Variants in PDE4D observed in about 807,000 individuals in gnomAD.
PDE4D encodes the protein phosphodiesterase 4D.
PDE4D carries 24 observed loss-of-function variants against 87.4 expected under a neutral mutation model. That is an observed-to-expected ratio of 0.27 (90% CI 0.20 to 0.39). PDE4D has a LOEUF of 0.39. PDE4D is among the 10% of genes least tolerant of loss of function. The probability of loss-of-function intolerance (pLI) is 1.00; values close to 1 mark genes in which losing one functional copy is unlikely to be tolerated. For synonymous variants in PDE4D, 384 were observed against 383.2 expected (o/e 1.00, Z -0.02); for missense variants, 714 against 1,041.0 (o/e 0.69, Z 4.32).
In PDE4D at chr5:59,321,358, A is replaced by G. The variant is rs147644405; in HGVS notation, c.456-105390T>C. Reference sequence around the variant, plus strand: ...ACTGCCCTGCCTAGACAAGATTTTTATGCTTAGGGTTGGAATCAAGTTTTT... The same window carrying G: ...ACTGCCCTGCCTAGACAAGATTTTTGTGCTTAGGGTTGGAATCAAGTTTTT... On this transcript the variant is annotated intron_variant, in intron 1 of 14. Transcript: ENST00000340635. 2.4e-4 allele frequency among the ~76,000 whole-genome samples: 36 copies of G among 152,184 alleles called. No homozygotes were observed. The East Asian group carries it at 7.0e-3, about 29-fold the overall frequency.
At chr5:59,671,215 A>G (rs1747143425) in intron 1 of PDE4D, among the ~76,000 whole-genome samples, 1 of 152,206 alleles carries the variant, frequency 6.6e-6, no homozygotes, top group Non-Finnish European at 1.5e-5. Context: ...AACTAACAGC[A>G]TAGCCTTGAT....
chr5:59,452,507 C>T (rs1484095973), intron 1 of PDE4D, among the ~76,000 whole-genome samples: 1 of 152,130 alleles, frequency 6.6e-6, no homozygotes, highest in Non-Finnish European at 1.5e-5. Flanking sequence ...CTGATGTATG[C>T]AAGGATTAGG....
At chr5:59,039,351 A>G in intron 5 of PDE4D, 1 of 1,031,366 alleles carries the variant, frequency 9.7e-7, no homozygotes, top group South Asian at 3.3e-5. Flanking sequence ...GGGGGTGGCG[A>G]GCGCGCTTGG....
chr5:59,622,344 G>T lies in PDE4D; in HGVS notation c.455+270824C>A, dbSNP rs570108679. ...ATTTAAAAGGTCTTAATTCTAATTTGCTGTGAAAAGTCATGCCAGAGTTAT... is the reference window on the plus strand; with the variant it reads ...ATTTAAAAGGTCTTAATTCTAATTTTCTGTGAAAAGTCATGCCAGAGTTAT... On this transcript the variant is annotated intron_variant, in intron 1 of 14. Transcript: ENST00000340635. 4.6e-5 allele frequency among the ~76,000 whole-genome samples: 7 copies of T among 152,236 alleles called. 1 individual carries two copies. In the South Asian group the frequency reaches 1.5e-3, roughly 32 times the overall value.
intron 1 of PDE4D, among the ~76,000 whole-genome samples, chr5:60,335,738 G>A (rs61245506): frequency 0.018 from 2,756 of 152,218 alleles, 96 homozygotes; most frequent in African/African-American, 0.063. Context: ...GTCTTTTAAT[G>A]TGGGGCACGA....
intron 1 of PDE4D, among the ~76,000 whole-genome samples, chr5:59,317,354 C>T (rs908589052): frequency 1.3e-5 from 2 of 152,080 alleles, no homozygotes. Flanking sequence ...GGGAGGGAGG[C>T]CAGTTAACAA....
chr5:59,307,351 T>C (rs1233878520), intron 1 of PDE4D, among the ~76,000 whole-genome samples: 6 of 148,958 alleles, frequency 4.0e-5, no homozygotes, highest in African/African-American at 1.5e-4. Flanking sequence ...AAAGCCAAAA[T>C]TGATAAATGG....
chr5:59,582,281 T>G (rs912736664), intron 1 of PDE4D, among the ~76,000 whole-genome samples: 2 of 152,186 alleles, frequency 1.3e-5, no homozygotes, highest in African/African-American at 2.4e-5. Context: ...GTCATCAAAC[T>G]CAATATTGCT....
intron 1 of PDE4D, among the ~76,000 whole-genome samples, chr5:59,546,411 T>C (rs1468404998): frequency 6.6e-6 from 1 of 152,148 alleles, no homozygotes; most frequent in African/African-American, 2.4e-5. Flanking sequence ...GCCAGGAGCA[T>C]GTTAATATTA....
rs201056677 is a variant in PDE4D, at chr5:60,175,106, GTTCT to G, written c.42+10447_42+10450del. On this transcript the variant is annotated intron_variant, in intron 2 of 16. Transcript: ENST00000502484. The stretch of plus-strand genomic sequence containing the variant: ...CCAGAGTTCTTGGATGCTCTGTTAT[GTTCT>G]TTCTTTCTCCCTTTTATTTCCACTC... Among the ~76,000 whole-genome samples the G allele has an allele frequency of 3.6e-3, 551 of 151,966 alleles. 8 individuals carry two copies. Among genetic ancestry groups the G allele is most frequent in the African/African-American group, 0.013 (530 of 41,444 alleles).
intron 1 of PDE4D, among the ~76,000 whole-genome samples, chr5:59,774,718 G>A (rs1224388253): frequency 2.1e-5 from 3 of 142,422 alleles, no homozygotes; most frequent in East Asian, 2.0e-4. Context: ...GACACAGTCC[G>A]GCTTTGTTGT....
At chr5:59,004,613 G>A (rs1196928036) in intron 6 of PDE4D, among the ~76,000 whole-genome samples, 1 of 152,234 alleles carries the variant, frequency 6.6e-6, no homozygotes, top group African/African-American at 2.4e-5. Flanking sequence ...AGAAAATTTG[G>A]TGTGGATTAA....
intron 6 of PDE4D, among the ~76,000 whole-genome samples, chr5:58,998,763 A>C (rs1749801315): frequency 6.6e-6 from 1 of 152,162 alleles, no homozygotes; most frequent in African/African-American, 2.4e-5. Context: ...TCAAATACCA[A>C]AAATCTGTGA....
chr5:59,976,370 G>A (rs1008792628), intron 3 of PDE4D, among the ~76,000 whole-genome samples: 5 of 152,094 alleles, frequency 3.3e-5, no homozygotes, highest in Admixed American at 2.0e-4. Context: ...CTTGGGTCAT[G>A]GGGTCAGAGC....
At chr5:59,729,495 T>C (rs564581215) in intron 1 of PDE4D, among the ~76,000 whole-genome samples, 1 of 152,222 alleles carries the variant, frequency 6.6e-6, no homozygotes, top group South Asian at 2.1e-4. Context: ...AAAAATGAGC[T>C]CACCTGGCAA....
At chr5:59,315,439 C>G (rs1465336013) in intron 1 of PDE4D, among the ~76,000 whole-genome samples, 1 of 152,002 alleles carries the variant, frequency 6.6e-6, no homozygotes, top group Non-Finnish European at 1.5e-5. Context: ...TCCACTAGCC[C>G]CAAATAATTG....
chr5:59,913,550 G>A (rs1164842339), intron 3 of PDE4D, among the ~76,000 whole-genome samples: 2 of 152,080 alleles, frequency 1.3e-5, no homozygotes, highest in African/African-American at 4.8e-5. Flanking sequence ...ACTTTAATTA[G>A]AAGAGCTTTG....
chr5:59,146,898 C>T (rs1778747327), intron 5 of PDE4D, among the ~76,000 whole-genome samples: 1 of 152,184 alleles, frequency 6.6e-6, no homozygotes, highest in Admixed American at 6.5e-5. Context: ...AACCTCCAAG[C>T]CACAGACTGC....
chr5:59,754,944 A>C (rs1561599907), intron 1 of PDE4D, among the ~76,000 whole-genome samples: 3 of 151,874 alleles, frequency 2.0e-5, no homozygotes. Flanking sequence ...GTTTACCTGC[A>C]ACTAAGGGAT....
Sources: gnomAD v4.1 joint callset for allele counts (sites outside exome capture counted in the v4.1 genomes callset) on GRCh38, gnomAD v4.1.1 for gene constraint, MANE v1.5 for transcripts, NCBI Gene and HGNC (gene_info 2026-07-23, HGNC 2026-07-21) for gene names.